SETBP1: variants seen among roughly 807,000 people sequenced by gnomAD.
SETBP1 encodes the protein SET binding protein 1.
Under a neutral mutation model 101.0 loss-of-function variants are expected in SETBP1, and 9 were observed. That is an observed-to-expected ratio of 0.09 (90% confidence interval 0.05 to 0.16). The LOEUF (loss-of-function observed/expected upper bound fraction) is 0.16, where lower values mean the gene tolerates loss of function less well. SETBP1 is among the 10% of genes least tolerant of loss of function. The pLI is 1.00. For missense variants in SETBP1, 1,858 were observed against 2,033.8 expected (o/e 0.91, Z 1.66); for synonymous variants, 818 against 788.5 (o/e 1.04, Z -0.63).
At chr18:45,056,878 C>G (rs1388233620) in intron 5 of SETBP1, among the ~76,000 whole-genome samples, 1 of 152,184 alleles carries the variant, frequency 6.6e-6, no homozygotes, top group South Asian at 2.1e-4. Flanking sequence ...AGAACACAGA[C>G]CAGAGTCCTT....
chr18:44,686,548 C>T (rs1164231459), intron 1 of SETBP1, among the ~76,000 whole-genome samples: 1 of 152,214 alleles, frequency 6.6e-6, no homozygotes, highest in Non-Finnish European at 1.5e-5. Flanking sequence ...CACTTACCCC[C>T]TCCAAGCTCT....
intron 3 of SETBP1, among the ~76,000 whole-genome samples, chr18:44,893,223 C>T (rs555692881): frequency 6.6e-6 from 1 of 152,240 alleles, no homozygotes; most frequent in African/African-American, 2.4e-5. Context: ...CAGATCCTGT[C>T]ACCTCAATTT....
chr18:44,718,329 G>A (rs4084233), intron 2 of SETBP1, among the ~76,000 whole-genome samples: 85,673 of 151,994 alleles, frequency 0.56, 24,499 homozygotes, highest in Middle Eastern at 0.67. Flanking sequence ...CCTTGGGTTA[G>A]CCAGGGTCCC....
chr18:44,741,575 C>T (rs980033011), intron 2 of SETBP1, among the ~76,000 whole-genome samples: 2 of 151,810 alleles, frequency 1.3e-5, no homozygotes, highest in African/African-American at 4.8e-5. Flanking sequence ...TTAACTGCTC[C>T]AAGGAGATAA....
At chr18:45,001,736 G>T (rs1233999061) in intron 4 of SETBP1, among the ~76,000 whole-genome samples, 2 of 151,844 alleles carry the variant, frequency 1.3e-5, no homozygotes, top group African/African-American at 4.8e-5. Context: ...TTTTTGCTTT[G>T]CAGGGACAGG....
At chr18:44,877,297 C>A in intron 3 of SETBP1, 1 of 740,078 alleles carries the variant, frequency 1.4e-6, no homozygotes. Context: ...AGTTTCCACA[C>A]AAAAAGTATG....
chr18:44,764,318 T>G (rs2070720131), intron 2 of SETBP1, among the ~76,000 whole-genome samples: 1 of 152,256 alleles, frequency 6.6e-6, no homozygotes, highest in Non-Finnish European at 1.5e-5. Flanking sequence ...CTGATTCCTC[T>G]GCTTATGTAT....
chr18:44,829,599 A>G (rs149376118), intron 2 of SETBP1, among the ~76,000 whole-genome samples: 44 of 152,318 alleles, frequency 2.9e-4, no homozygotes, highest in African/African-American at 1.1e-3. Flanking sequence ...ATCATTAGGC[A>G]CCTACTGTGT....
intron 2 of SETBP1, among the ~76,000 whole-genome samples, chr18:44,703,441 T>A (rs1334346386): frequency 2.0e-5 from 3 of 147,824 alleles, no homozygotes; most frequent in Non-Finnish European, 4.5e-5. Flanking sequence ...AATCATATTA[T>A]TTCTTTAGCA....
chr18:44,978,085 A>G (rs1568005487), intron 4 of SETBP1, among the ~76,000 whole-genome samples: 1 of 152,124 alleles, frequency 6.6e-6, no homozygotes, highest in African/African-American at 2.4e-5. Flanking sequence ...CAGGGTTGCA[A>G]CCAGCCCACA....
chr18:44,695,770 A>C (rs2069004165), intron 1 of SETBP1, among the ~76,000 whole-genome samples: 1 of 152,196 alleles, frequency 6.6e-6, no homozygotes, highest in Admixed American at 6.5e-5. Flanking sequence ...TTTTGTAATA[A>C]GGAGCATGGA....
chr18:44,691,780 G>C (rs535861521), intron 1 of SETBP1, among the ~76,000 whole-genome samples: 2 of 152,282 alleles, frequency 1.3e-5, no homozygotes, highest in African/African-American at 4.8e-5. Flanking sequence ...GCTTTGAAGG[G>C]CTTCTGGTTG....
At chr18:44,690,296 T>C (rs2068908034) in intron 1 of SETBP1, among the ~76,000 whole-genome samples, 1 of 152,232 alleles carries the variant, frequency 6.6e-6, no homozygotes, top group Non-Finnish European at 1.5e-5. Context: ...AGCTGATATT[T>C]GTTTAGTTCT....
intron 2 of SETBP1, among the ~76,000 whole-genome samples, chr18:44,728,972 A>G (rs1283301827): frequency 6.6e-6 from 1 of 152,206 alleles, no homozygotes; most frequent in Admixed American, 6.5e-5. Context: ...TGCCAGATAG[A>G]GTTCTAAGCC....
chr18:44,943,754 T>G (rs1014603538), intron 3 of SETBP1, among the ~76,000 whole-genome samples: 1 of 152,228 alleles, frequency 6.6e-6, no homozygotes, highest in Non-Finnish European at 1.5e-5. Flanking sequence ...AGTGATGGCC[T>G]GCCAGGATTC....
chr18:45,059,877 A>G (rs763643696), intron 5 of SETBP1, among the ~76,000 whole-genome samples: 7 of 152,176 alleles, frequency 4.6e-5, no homozygotes, highest in Non-Finnish European at 7.4e-5. Flanking sequence ...GTAGATGTTG[A>G]GTAGTAGGTG....
intron 3 of SETBP1, among the ~76,000 whole-genome samples, chr18:44,939,495 G>A (rs1170520217): frequency 6.6e-6 from 1 of 152,134 alleles, no homozygotes; most frequent in Non-Finnish European, 1.5e-5. Context: ...CCGCTTCAAG[G>A]TGCTAACAAC....
intron 2 of SETBP1, among the ~76,000 whole-genome samples, chr18:44,855,601 C>T (rs967956512): frequency 9.9e-5 from 15 of 152,204 alleles, no homozygotes; most frequent in African/African-American, 3.6e-4. Flanking sequence ...GGGCACATCT[C>T]TTTCCAACTC....
At chr18:44,906,769 A>C (rs1234927479) in intron 3 of SETBP1, among the ~76,000 whole-genome samples, 1 of 152,220 alleles carries the variant, frequency 6.6e-6, no homozygotes. Flanking sequence ...GACTAGTTTA[A>C]GTAATCTTGT....
Sources: allele counts gnomAD v4.1 joint callset (sites outside exome capture counted in the v4.1 genomes callset), GRCh38; gene constraint gnomAD v4.1.1; transcripts MANE v1.5; gene names NCBI Gene and HGNC (gene_info 2026-07-23, HGNC 2026-07-21).